The following PARN variants were observed in gnomAD, a reference collection of about 807,000 sequenced individuals.
The protein encoded by PARN is poly(A)-specific ribonuclease PARN.
In PARN, 71 loss-of-function variants were observed where a neutral mutation model predicts 102.8. That is an observed-to-expected ratio of 0.69 (90% CI 0.57 to 0.84). The LOEUF is 0.84. Among genes scored for constraint, PARN ranks in the 40% least tolerant of loss-of-function variants. The pLI, the probability that PARN is intolerant of heterozygous loss-of-function variation, is 0.00. For missense variants in PARN, 782 were observed against 760.9 expected (o/e 1.03, Z -0.33); for synonymous variants, 261 against 252.9 (o/e 1.03, Z -0.30).
At chr16:14,577,804 A>T (rs1969239177) in intron 18 of PARN, among the ~76,000 whole-genome samples, 1 of 152,014 alleles carries the variant, frequency 6.6e-6, no homozygotes, top group South Asian at 2.1e-4. Context: ...AGTAGCTGGG[A>T]TTACAGGCAC....
chr16:14,533,468 AGGGAGAGGGAG>A (rs1966470892), intron 21 of PARN, among the ~76,000 whole-genome samples: 2 of 46,524 alleles, frequency 4.3e-5, no homozygotes, highest in Admixed American at 3.0e-4. Flanking sequence ...GGAGAGGGAG[AGGGAGAGGGAG>A]AGGGAGAGGG....
intron 21 of PARN, among the ~76,000 whole-genome samples, chr16:14,491,619 T>C (rs568884123): frequency 6.6e-6 from 1 of 151,692 alleles, no homozygotes; most frequent in African/African-American, 2.4e-5. Context: ...AACATAAAAA[T>C]AAATTAGCTG....
rs530364199 is a variant in PARN at position 14,575,151 on chromosome 16, G to C, written c.1262+5723C>G. ...GGGCCCTCATGGAGAACTTCTGCTA[G>C]GGCAGTGCAGAAGGGAAATGTGGGG... On this transcript the variant is annotated intron_variant, in intron 18 of 23. Transcript: ENST00000437198. Among the ~76,000 whole-genome samples the C allele has an allele frequency of 5.3e-5, 8 of 152,330 alleles. No individual in the cohort carries two copies. The South Asian group carries it at 8.3e-4, about 16-fold the overall frequency.
intron 23 of PARN, among the ~76,000 whole-genome samples, chr16:14,439,424 GAGGGAGGGAGGGAGGA>G (rs1251029996): frequency 2.8e-4 from 40 of 144,698 alleles, no homozygotes; most frequent in African/African-American, 8.8e-4. Context: ...AGAAGACAGG[GAGGGAGGGAGGGAGGA>G]AGGGAGGGAG....
At chr16:14,550,058 T>C (rs1389773988) in intron 21 of PARN, among the ~76,000 whole-genome samples, 1 of 152,128 alleles carries the variant, frequency 6.6e-6, no homozygotes, top group Admixed American at 6.5e-5. Flanking sequence ...GAGTGTACAG[T>C]GAGCAGAGGA....
intron 23 of PARN, among the ~76,000 whole-genome samples, chr16:14,439,371 C>G (rs1188774739): frequency 1.6e-5 from 1 of 61,692 alleles, no homozygotes; most frequent in African/African-American, 5.8e-5. Flanking sequence ...GTGAAACTGT[C>G]GCACAAAAAA....
intron 21 of PARN, among the ~76,000 whole-genome samples, chr16:14,503,425 T>G (rs911042771): frequency 6.6e-6 from 1 of 151,230 alleles, no homozygotes; most frequent in Non-Finnish European, 1.5e-5. Flanking sequence ...AACGCACGTA[T>G]CATGAATATG....
intron 5 of PARN, among the ~76,000 whole-genome samples, chr16:14,618,656 CAA>C (rs1181174251): frequency 4.2e-4 from 37 of 88,306 alleles, no homozygotes; most frequent in Admixed American, 5.1e-4. Flanking sequence ...AAGACTGTCT[CAA>C]AAAAAAAAAA....
chr16:14,534,903 C>T (rs1345077249), intron 21 of PARN, among the ~76,000 whole-genome samples: 1 of 150,382 alleles, frequency 6.6e-6, no homozygotes. Flanking sequence ...GGCGCCATCT[C>T]GGCTCACCAC....
At chr16:14,561,504 A>G (rs1186797598) in intron 18 of PARN, among the ~76,000 whole-genome samples, 1 of 152,214 alleles carries the variant, frequency 6.6e-6, no homozygotes, top group African/African-American at 2.4e-5. Context: ...TCCAAAAGAT[A>G]TTAGTCTTAA....
intron 5 of PARN, among the ~76,000 whole-genome samples, chr16:14,621,420 AAT>A (rs1972290680): frequency 6.6e-6 from 1 of 152,230 alleles, no homozygotes; most frequent in Non-Finnish European, 1.5e-5. Flanking sequence ...TGGGTTGTAC[AAT>A]AGTGTCAATG....
Position 14,610,818 on chromosome 16 carries a change from G to A in PARN, c.389-9C>T, listed in dbSNP as rs1467886184. ...ATTTAAATATGGAATTCCTAAACACGATTTTAAAAAGAATGCATTAGCAGA... is the reference window on the plus strand; with the variant it reads ...ATTTAAATATGGAATTCCTAAACACAATTTTAAAAAGAATGCATTAGCAGA... On this transcript the variant is annotated splice_polypyrimidine_tract_variant and intron_variant, in intron 6 of 23. Coordinates refer to ENST00000437198, the MANE Select transcript of PARN (RefSeq NM_002582.4). The A allele has an allele frequency of 3.8e-6, 6 of 1,588,350 alleles. No homozygotes were observed. The highest frequency in any genetic ancestry group is 1.3e-5 in the African/African-American group (1 of 74,384).
intron 21 of PARN, among the ~76,000 whole-genome samples, chr16:14,520,130 G>A (rs1276063955): frequency 6.6e-6 from 1 of 152,210 alleles, no homozygotes; most frequent in Non-Finnish European, 1.5e-5. Context: ...GAGAGGTGGG[G>A]AGTGGATACA....
intron 5 of PARN, among the ~76,000 whole-genome samples, chr16:14,623,834 C>T (rs1972474251): frequency 6.8e-6 from 1 of 146,442 alleles, no homozygotes; most frequent in African/African-American, 2.5e-5. Context: ...AAGGCTCCAT[C>T]TCAAAAAAAA....
At chr16:14,512,280 T>G (rs989616780) in intron 21 of PARN, among the ~76,000 whole-genome samples, 1 of 152,130 alleles carries the variant, frequency 6.6e-6, no homozygotes, top group African/African-American at 2.4e-5. Flanking sequence ...GGCAGGCAGA[T>G]TGCTTGAGGT....
At chr16:14,508,513 G>A (rs1965014544) in intron 21 of PARN, among the ~76,000 whole-genome samples, 1 of 152,140 alleles carries the variant, frequency 6.6e-6, no homozygotes, top group Non-Finnish European at 1.5e-5. Flanking sequence ...TAAAAAGTGA[G>A]TGTGGGGAAA....
chr16:14,581,603 C>G (rs1008643168), intron 17 of PARN, among the ~76,000 whole-genome samples: 75 of 152,024 alleles, frequency 4.9e-4, no homozygotes, highest in African/African-American at 1.8e-3. Context: ...AATTAAGTCA[C>G]GAGGGAATTA....
At chr16:14,501,431 T>A (rs1246620149) in intron 21 of PARN, 1 of 6,250 alleles carries the variant, frequency 1.6e-4, no homozygotes, top group African/African-American at 4.4e-4. Context: ...AAAGCAAGAC[T>A]GTCCAAAAAA....
chr16:14,476,284 T>C (rs1252255862), intron 22 of PARN, among the ~76,000 whole-genome samples: 1 of 152,240 alleles, frequency 6.6e-6, no homozygotes, highest in Non-Finnish European at 1.5e-5. Context: ...ATGACTAATG[T>C]AGTTTACATT....
Sources: allele counts gnomAD v4.1 joint callset (sites outside exome capture counted in the v4.1 genomes callset), GRCh38; gene constraint gnomAD v4.1.1; transcripts MANE v1.5; gene names NCBI Gene and HGNC (gene_info 2026-07-23, HGNC 2026-07-21).